The following KIF1A variants were observed in gnomAD, a reference collection of about 807,000 sequenced individuals.
The protein encoded by KIF1A is kinesin family member 1A.
In KIF1A, 46 loss-of-function variants were observed where a neutral mutation model predicts 227.3. The ratio of observed to expected loss-of-function variants is 0.20; its 90% CI spans 0.16 to 0.26. The LOEUF (loss-of-function observed/expected upper bound fraction) is 0.26. KIF1A is among the 10% of genes least tolerant of loss of function. The pLI is 1.00. For synonymous variants in KIF1A, 1,022 were observed against 1,012.8 expected (o/e 1.01, Z -0.17); for missense variants, 1,683 against 2,485.9 (o/e 0.68, Z 6.87).
intron 20 of KIF1A, among the ~76,000 whole-genome samples, chr2:240,764,330 G>C (rs937298971): frequency 2.6e-5 from 4 of 152,090 alleles, no homozygotes; most frequent in Admixed American, 2.0e-4. Flanking sequence ...AGCCCCACAG[G>C]CACCAGGGCC....
intron 37 of KIF1A, 59 bp from the exon 38 acceptor site, chr2:240,737,227 G>T: frequency 7.4e-7 from 1 of 1,353,574 alleles, no homozygotes; most frequent in South Asian, 1.2e-5. Context: ...GACCCTGGGG[G>T]GCTGCCTCAG....
chr2:240,799,635 C>T (rs1026442071), intron 1 of KIF1A, among the ~76,000 whole-genome samples: 6 of 152,188 alleles, frequency 3.9e-5, no homozygotes, highest in Admixed American at 2.0e-4. Context: ...TTGAAAATCC[C>T]TGCACTTTTA....
At chr2:240,722,352 C>A in intron 43 of KIF1A, 104 bp downstream of exon 43, 1 of 1,125,966 alleles carries the variant, frequency 8.9e-7, no homozygotes. Context: ...TGGTGCTAAC[C>A]AGAGCAGCCA....
Position 240,720,896 on chromosome 2 carries a change from A to G in KIF1A, c.4868+18T>C. On this transcript the variant is annotated intron_variant, in intron 45 of 48. Coordinates refer to ENST00000498729, the MANE Select transcript of KIF1A (RefSeq NM_001244008.2). ...CCGTGGTGCCAGAAGCCACTCCGGG[A>G]GCCTGGAGCTCACTCACCTCAGGTC... 6.5e-7 allele frequency: 1 copy of G among 1,543,654 alleles called. No individual in the cohort carries two copies.
In KIF1A at chr2:240,740,304, G is replaced by C; in HGVS notation, c.3810C>G (p.Leu1270=). Residue 1270 remains leucine (L), a synonymous_variant, in exon 36 of 49, where the codon CTC becomes CTG. Transcript: ENST00000498729. The surrounding 1 kb of genome is among the most constrained non-coding windows in gnomAD (Gnocchi z 6.1). ...GGGCAAGAGGGGCTCACACCTGGTG[G>C]AGGAGGAAGGTCCCCATGCATGGCA... ...GGMPCMGTFL[L]HQGIQRRITV... is the part of the protein sequence containing the mutation. The C allele has an allele frequency of 6.2e-7, 1 of 1,613,376 alleles. No individual in the cohort carries two copies. Among genetic ancestry groups the C allele is most frequent in the East Asian group, 2.2e-5 (1 of 44,880 alleles).
At chr2:240,733,892 C>A (rs1399253468) in intron 38 of KIF1A, among the ~76,000 whole-genome samples, 1 of 152,238 alleles carries the variant, frequency 6.6e-6, no homozygotes, top group Non-Finnish European at 1.5e-5. Context: ...ATTTTCCATT[C>A]GGAACGGACT....
intron 5 of KIF1A, among the ~76,000 whole-genome samples, 183 bp from the exon 6 acceptor site, chr2:240,786,696 G>GGGC (rs1255186031): frequency 1.5e-4 from 21 of 143,832 alleles, no homozygotes; most frequent in Non-Finnish European, 2.7e-4. Context: ...GAGGGGATGG[G>GGGC]AGCCAGCATC....
At chr2:240,771,358 C>A (rs547467567) in intron 14 of KIF1A, 2 of 566,094 alleles carry the variant, frequency 3.5e-6, no homozygotes, top group East Asian at 3.1e-5. Context: ...CCACCCCTTG[C>A]CTACGATGGG....
At chr2:240,817,778 C>T (rs937923677) in intron 1 of KIF1A, among the ~76,000 whole-genome samples, 1 of 152,156 alleles carries the variant, frequency 6.6e-6, no homozygotes, top group Non-Finnish European at 1.5e-5. Flanking sequence ...TCCTCCAGCT[C>T]ACATCTCCCC....
intron 1 of KIF1A, among the ~76,000 whole-genome samples, chr2:240,812,963 A>ACCTCGGGGATCTG (rs1575678011): frequency 9.8e-4 from 59 of 60,002 alleles, no homozygotes; most frequent in African/African-American, 3.9e-3. Context: ...TCAAGGATCC[A>ACCTCGGGGATCTG]CCTTCACCTC....
upstream of KIF1A, among the ~76,000 whole-genome samples, chr2:240,821,273 G>A (rs1004426064): frequency 1.3e-5 from 2 of 152,226 alleles, no homozygotes; most frequent in African/African-American, 4.8e-5. Context: ...CCCAGCAGGG[G>A]CCTGCGCTGC....
intron 38 of KIF1A, chr2:240,734,580 A>G (rs1022717068): frequency 5.0e-5 from 23 of 462,190 alleles, no homozygotes; most frequent in African/African-American, 4.7e-4. Context: ...GAACAGGAGG[A>G]CAGGTGAGCA....
intron 29 of KIF1A, among the ~76,000 whole-genome samples, chr2:240,746,868 G>A (rs1435838881): frequency 6.6e-6 from 1 of 152,268 alleles, no homozygotes; most frequent in African/African-American, 2.4e-5. Flanking sequence ...GAAGGGGGCA[G>A]TGGGAACGCG....
Position 240,766,743 on chromosome 2 carries a change from T to TCA in KIF1A, c.1684+171_1684+172insTG, listed in dbSNP as rs780626531. Among the ~76,000 whole-genome samples the TCA allele has an allele frequency of 0.012, 1,492 of 125,434 alleles. 25 individuals are homozygous for TCA. Among genetic ancestry groups the TCA allele is most frequent in the African/African-American group, 0.042 (1,296 of 30,702 alleles). 82.3% of individuals were successfully genotyped at this position (125,434 alleles called of 152,430 possible). The stretch of plus-strand genomic sequence containing the variant: ...CCAAATCTCTCTCTCTCTCTCTCTC[T>TCA]CTCTCTCACACACACACACACACAC... On this transcript the variant is annotated intron_variant, in intron 19 of 48. Transcript: ENST00000498729. This position sits in a 1 kb window ranked among gnomAD's most constrained non-coding sequence, Gnocchi z 5.0.
intron 2 of KIF1A, 26 bp downstream of exon 2, chr2:240,797,621 C>G (rs1442291898): frequency 1.3e-6 from 2 of 1,543,060 alleles, no homozygotes; most frequent in East Asian, 2.3e-5. Flanking sequence ...ATGGCCGACC[C>G]CGATGCTGTG....
At position 240,789,206 on chromosome 2, in the gene KIF1A, C is replaced by G; in HGVS notation, c.183+30G>C. The G allele has an allele frequency of 6.3e-7, 1 of 1,591,320 alleles. No homozygotes were observed. The highest frequency in any genetic ancestry group is 1.1e-5 in the South Asian group (1 of 90,620). The stretch of plus-strand genomic sequence containing the variant: ...CACATGGCCTATGCACTGCTGCCCC[C>G]GCCTCCCCCGACCCGGGGTCCCGGC... On this transcript the variant is annotated intron_variant, in intron 3 of 48. Coordinates refer to ENST00000498729, the MANE Select transcript of KIF1A (RefSeq NM_001244008.2). This position sits in a 1 kb window ranked among gnomAD's most constrained non-coding sequence, Gnocchi z 4.8.
At chr2:240,741,735 G>A (rs527721801) in intron 34 of KIF1A, among the ~76,000 whole-genome samples, 6 of 152,196 alleles carry the variant, frequency 3.9e-5, no homozygotes, top group Non-Finnish European at 8.8e-5. Flanking sequence ...TCACGGGGCC[G>A]CTCTGCCATG....
rs770666285 is a variant in KIF1A at position 240,760,706 on chromosome 2, C to T, written c.2403G>A (p.Gln801=). The T allele has an allele frequency of 4.8e-5, 76 of 1,578,326 alleles. No homozygotes were observed. Among genetic ancestry groups the T allele is most frequent in the South Asian group, 9.3e-5 (8 of 86,318 alleles). ...TCCAGTAGTGGGTGGCCCCGTTCTT[C>T]TGGTCCTGGACCTCCACGGCCACAA... ...RTIVAVEVQD[Q]KNGATHYWTL... is the part of the protein sequence containing the mutation. The change falls in exon 25 of 49, where the codon CAG becomes CAA. Residue 801 remains glutamine, a synonymous_variant. Transcript: ENST00000498729.
chr2:240,743,887 C>G, intron 33 of KIF1A, 55 bp downstream of exon 33: 1 of 1,178,470 alleles, frequency 8.5e-7, no homozygotes, highest in South Asian at 1.3e-5. Context: ...ATGAAAAGAT[C>G]TGGGCAGGGG....
Sources: gnomAD v4.1 joint callset for allele counts (sites outside exome capture counted in the v4.1 genomes callset) on GRCh38, gnomAD v4.1.1 for gene constraint, Gnocchi (gnomAD v3.1) non-coding constraint, MANE v1.5 for transcripts, NCBI Gene and HGNC (gene_info 2026-07-23, HGNC 2026-07-21) for gene names.